FAF2: variants seen among roughly 807,000 people sequenced by gnomAD.
FAF2 encodes FAS-associated factor 2.
FAF2 carries 9 observed loss-of-function variants against 62.3 expected under a neutral mutation model. The observed-to-expected ratio is 0.14, with a 90% CI of 0.09 to 0.25. The LOEUF (loss-of-function observed/expected upper bound fraction) is 0.25, where lower values mean the gene tolerates loss of function less well. FAF2 is among the 10% of genes least tolerant of loss of function. The pLI is 1.00. For synonymous variants in FAF2, 202 were observed against 198.0 expected (o/e 1.02, Z -0.17); for missense variants, 368 against 556.2 (o/e 0.66, Z 3.40).
chr5:176,501,054 G>A (rs1755582243), intron 10 of FAF2, among the ~76,000 whole-genome samples: 1 of 152,030 alleles, frequency 6.6e-6, no homozygotes, highest in Non-Finnish European at 1.5e-5. Context: ...TTGAACCCGG[G>A]AGACGGAGGT....
intron 10 of FAF2, among the ~76,000 whole-genome samples, chr5:176,501,281 G>A (rs889449457): frequency 1.3e-5 from 2 of 152,232 alleles, no homozygotes; most frequent in African/African-American, 4.8e-5. Context: ...CTGAGAGTCA[G>A]TATGTTGCCT....
At chr5:176,504,426 A>C (rs1755644134) in intron 10 of FAF2, among the ~76,000 whole-genome samples, 1 of 152,042 alleles carries the variant, frequency 6.6e-6, no homozygotes, top group African/African-American at 2.4e-5. Context: ...TCTACAAAAA[A>C]CACAAAAATT....
intron 8 of FAF2, 118 bp from the exon 9 acceptor site, chr5:176,498,796 A>T: frequency 1.0e-6 from 1 of 956,856 alleles, no homozygotes; most frequent in South Asian, 4.0e-5. Flanking sequence ...TGAAATCGTC[A>T]TCTGCTAAGA....
At chr5:176,454,095 TTTTA>T (rs1364332239) in intron 1 of FAF2, among the ~76,000 whole-genome samples, 1 of 148,022 alleles carries the variant, frequency 6.8e-6, no homozygotes, top group African/African-American at 2.5e-5. Flanking sequence ...ACAACATTCT[TTTTA>T]TTTTTTACTT....
At chr5:176,473,986 A>T (rs1449944048) in intron 1 of FAF2, among the ~76,000 whole-genome samples, 1 of 152,212 alleles carries the variant, frequency 6.6e-6, no homozygotes, top group Admixed American at 6.5e-5. Flanking sequence ...CACTTCTCCA[A>T]GGAGCCCTGA....
intron 1 of FAF2, among the ~76,000 whole-genome samples, chr5:176,464,578 G>A (rs1001168844): frequency 4.3e-5 from 6 of 140,218 alleles, no homozygotes; most frequent in African/African-American, 8.0e-5. Context: ...CTGTAGCCTC[G>A]ACCTCCCGGA....
chr5:176,451,765 C>T lies in FAF2; in HGVS notation c.63+3295C>T, dbSNP rs13354792. Among the ~76,000 whole-genome samples, 5 of 116,044 alleles carry T rather than the reference C, an allele frequency of 4.3e-5. 1 individual carries two copies. The South Asian group carries it at 1.1e-3, about 25-fold the overall frequency. 76.1% of individuals were successfully genotyped at this position (116,044 alleles called of 152,430 possible). On this transcript the variant is annotated intron_variant, in intron 1 of 10. Coordinates refer to ENST00000261942, the MANE Select transcript of FAF2 (RefSeq NM_014613.3). Reference sequence around the variant, plus strand: ...TGTATATATGTATATTGTATATATACATATATATACGTGTGTGTGTGTATA... The same window carrying T: ...TGTATATATGTATATTGTATATATATATATATATACGTGTGTGTGTGTATA...
At chr5:176,461,969 G>A (rs1420214431) in intron 1 of FAF2, among the ~76,000 whole-genome samples, 2 of 152,044 alleles carry the variant, frequency 1.3e-5, no homozygotes, top group African/African-American at 4.8e-5. Flanking sequence ...AAACTTTACA[G>A]GGGTGTTAGA....
At chr5:176,464,389 A>C (rs935559686) in intron 1 of FAF2, among the ~76,000 whole-genome samples, 2 of 152,006 alleles carry the variant, frequency 1.3e-5, no homozygotes, top group Admixed American at 1.3e-4. Context: ...CTAATCAGTT[A>C]TCAAATATTT....
chr5:176,501,835 C>A (rs1055327444), intron 10 of FAF2, among the ~76,000 whole-genome samples: 2 of 152,148 alleles, frequency 1.3e-5, no homozygotes, highest in African/African-American at 4.8e-5. Context: ...CTCGCTGCAA[C>A]CTCTGCCTCC....
chr5:176,456,335 G>T (rs530521016), intron 1 of FAF2, among the ~76,000 whole-genome samples: 1 of 152,242 alleles, frequency 6.6e-6, no homozygotes, highest in Admixed American at 6.5e-5. Flanking sequence ...GCCTCTCAAA[G>T]TGCTGGGATT....
chr5:176,502,238 G>A (rs1018407959), intron 10 of FAF2, among the ~76,000 whole-genome samples: 4 of 152,192 alleles, frequency 2.6e-5, no homozygotes, highest in Middle Eastern at 3.4e-3. Context: ...TTGTACACAC[G>A]AATTACATGG....
intron 1 of FAF2, among the ~76,000 whole-genome samples, chr5:176,461,581 G>A (rs1158703778): frequency 6.6e-6 from 1 of 151,432 alleles, no homozygotes; most frequent in Admixed American, 6.6e-5. Context: ...TCCCACCTTG[G>A]CCTCCCCTAG....
Position 176,448,436 on chromosome 5 carries a change from C to A in FAF2, c.29C>A (p.Thr10Asn). MAAPEERDL[T>N]QEQTEKLLQF... ...GCGGCGCCTGAGGAGCGGGATCTAACCCAGGAGCAGACAGAGAAGCTGCTG... is the reference window on the plus strand; with the variant it reads ...GCGGCGCCTGAGGAGCGGGATCTAAACCAGGAGCAGACAGAGAAGCTGCTG... Residue 10 changes from threonine (T) to asparagine (N), a missense_variant, in exon 1 of 11, where the codon ACC becomes AAC. Thr to Asn is a moderately conservative substitution (Grantham distance 65). This residue lies in a region of FAF2 where 331 missense variants were observed against 441.9 expected (regional missense o/e 0.75). Transcript: ENST00000261942. 6.2e-7 allele frequency: 1 copy of A among 1,607,504 alleles called. No homozygotes were observed.
At chr5:176,502,758 A>C (rs1406273131) in intron 10 of FAF2, among the ~76,000 whole-genome samples, 1 of 151,618 alleles carries the variant, frequency 6.6e-6, no homozygotes, top group East Asian at 2.0e-4. Context: ...GTTTTTTAAA[A>C]AAGAGTATCG....
rs774749275 is a variant in FAF2, at chr5:176,496,625, T to G, written c.801T>G (p.Asp267Glu). The G allele has an allele frequency of 2.5e-6, 4 of 1,609,362 alleles. No individual in the cohort carries two copies. In the Admixed American group the frequency reaches 6.7e-5, roughly 27 times the overall value. ...TTAACCAACTGACATTTATCATGGA[T>G]GCTAACCAGACTTACCTGGTGTCAG... ...DLINQLTFIM[D>E]ANQTYLVSER... The change falls in exon 8 of 11, where the codon GAT becomes GAG. Residue 267 changes from aspartate (D) to glutamate (E), a missense_variant. Physicochemically the swap from Asp to Glu is conservative, Grantham distance 45. Coordinates refer to ENST00000261942, the MANE Select transcript of FAF2 (RefSeq NM_014613.3).
intron 9 of FAF2, among the ~76,000 whole-genome samples, chr5:176,499,706 C>T (rs1561828560): frequency 6.6e-6 from 1 of 151,838 alleles, no homozygotes; most frequent in Admixed American, 6.6e-5. Flanking sequence ...GCACTACACC[C>T]TGAAACTCTT....
At chr5:176,455,186 G>GT (rs1242658650) in intron 1 of FAF2, among the ~76,000 whole-genome samples, 1 of 152,164 alleles carries the variant, frequency 6.6e-6, no homozygotes, top group Non-Finnish European at 1.5e-5. Context: ...AGTGTTTAAG[G>GT]TTGCACTACA....
At chr5:176,476,804 ATTT>A (rs749952460) in intron 1 of FAF2, among the ~76,000 whole-genome samples, 1 of 92,870 alleles carries the variant, frequency 1.1e-5, no homozygotes, top group Non-Finnish European at 2.1e-5. Flanking sequence ...TGCTGAACTA[ATTT>A]TTTTTTTTTT....
Sources: allele counts gnomAD v4.1 joint callset (sites outside exome capture counted in the v4.1 genomes callset), GRCh38; gene constraint gnomAD v4.1.1; regional missense constraint gnomAD v4.1.1; transcripts MANE v1.5; gene names NCBI Gene and HGNC (gene_info 2026-07-23, HGNC 2026-07-21).